ZNF83: variants seen among roughly 807,000 people sequenced by gnomAD.
ZNF83 encodes zinc finger protein 816B.
For missense variants in ZNF83, 552 were observed against 629.9 expected (o/e 0.88, Z 1.32); for synonymous variants, 209 against 213.0 (o/e 0.98, Z 0.17).
intron 1 of ZNF83, among the ~76,000 whole-genome samples, chr19:52,666,924 T>C (rs1346750880): frequency 6.6e-6 from 1 of 152,078 alleles, no homozygotes; most frequent in East Asian, 1.9e-4. Context: ...GTTAGGAAAA[T>C]TGCCTAATAA....
intron 1 of ZNF83, among the ~76,000 whole-genome samples, chr19:52,677,418 G>A (rs900377976): frequency 6.6e-6 from 1 of 151,860 alleles, no homozygotes; most frequent in African/African-American, 2.4e-5. Context: ...CCCTGGCAGT[G>A]GAGGTTGCAG....
chr19:52,656,210 C>A (rs892602712), intron 2 of ZNF83, among the ~76,000 whole-genome samples: 11 of 54,978 alleles, frequency 2.0e-4, no homozygotes, highest in African/African-American at 1.2e-3. Context: ...GAGACTCCGT[C>A]TCTCTCTCTC....
chr19:52,628,845 C>A (rs1412071106), intron 2 of ZNF83, among the ~76,000 whole-genome samples: 1 of 151,794 alleles, frequency 6.6e-6, no homozygotes, highest in African/African-American at 2.4e-5. Context: ...ATTTCCATGC[C>A]CCAACCTCAT....
intron 1 of ZNF83, chr19:52,636,080 T>C (rs567899427): frequency 1.3e-5 from 2 of 151,292 alleles, no homozygotes; most frequent in South Asian, 2.1e-4. Context: ...GAGGATACTT[T>C]GAGCCCAGGA....
chr19:52,612,958 G>A (rs2060151484), exon 3 of ZNF83: 1 of 1,438,518 alleles, frequency 7.0e-7, no homozygotes, highest in Admixed American at 2.3e-5. Flanking sequence ...TTTTTCTCCA[G>A]TATAAATTAT....
chr19:52,627,342 G>A (rs572606617), intron 2 of ZNF83, among the ~76,000 whole-genome samples: 3 of 151,106 alleles, frequency 2.0e-5, no homozygotes, highest in African/African-American at 7.3e-5. Flanking sequence ...GGTGGAGGGT[G>A]GGAGGAAGGA....
chr19:52,650,146 A>C (rs2061424119), intron 3 of ZNF83, among the ~76,000 whole-genome samples: 1 of 152,162 alleles, frequency 6.6e-6, no homozygotes, highest in South Asian at 2.1e-4. Context: ...AATCCCACTT[A>C]AGGAATTTAA....
intron 1 of ZNF83, among the ~76,000 whole-genome samples, chr19:52,672,360 TG>T (rs2061738095): frequency 6.6e-6 from 1 of 152,262 alleles, no homozygotes; most frequent in South Asian, 2.1e-4. Context: ...TCCCTAGCTA[TG>T]GAAGAATTCA....
intron 2 of ZNF83, among the ~76,000 whole-genome samples, chr19:52,622,596 G>T (rs1490524115): frequency 6.6e-6 from 1 of 152,084 alleles, no homozygotes; most frequent in East Asian, 1.9e-4. Context: ...TGCTTAAAAA[G>T]GCAGCTTACA....
intron 1 of ZNF83, among the ~76,000 whole-genome samples, chr19:52,678,187 T>A (rs1361367667): frequency 3.3e-5 from 5 of 151,930 alleles, no homozygotes; most frequent in African/African-American, 1.2e-4. Context: ...GCTCGGTGGC[T>A]CAAGCCTGTA....
chr19:52,683,226 CTCTGTGTGTGTGTG>C (rs1188305192), intron 1 of ZNF83, among the ~76,000 whole-genome samples: 5,535 of 135,720 alleles, frequency 0.041, 142 homozygotes, highest in Non-Finnish European at 0.061. Flanking sequence ...TGCCCTGTGA[CTCTGTGTGTGTGTG>C]TGTGTGTGTG....
upstream of ZNF83, among the ~76,000 whole-genome samples, chr19:52,643,088 G>A (rs533789745): frequency 2.5e-3 from 373 of 152,224 alleles, 1 homozygote; most frequent in African/African-American, 7.7e-3. Context: ...TAGGAGTGGA[G>A]GTTCCAGTGA....
chr19:52,682,964 G>A (rs1371614958), intron 1 of ZNF83, among the ~76,000 whole-genome samples: 2 of 152,098 alleles, frequency 1.3e-5, no homozygotes, highest in Non-Finnish European at 2.9e-5. Context: ...TCCACCTTCC[G>A]GGTTCAAGTG....
At chr19:52,654,890 A>G (rs1301246834) in intron 3 of ZNF83, 1 of 153,006 alleles carries the variant, frequency 6.5e-6, no homozygotes, top group Non-Finnish European at 1.5e-5. Context: ...CTCCTTAAAA[A>G]CCAGAACAAA....
At chr19:52,613,903 G>A in exon 3 of ZNF83, 2 of 1,613,720 alleles carry the variant, frequency 1.2e-6, no homozygotes, top group Non-Finnish European at 1.7e-6. Flanking sequence ...CCGATGTTGT[G>A]CAAGGTGTGA....
At chr19:52,632,908 G>T (rs1349826781) in intron 2 of ZNF83, among the ~76,000 whole-genome samples, 1 of 151,834 alleles carries the variant, frequency 6.6e-6, no homozygotes, top group Non-Finnish European at 1.5e-5. Flanking sequence ...AGGTTCCCAC[G>T]CCACCCCTAA....
intron 2 of ZNF83, among the ~76,000 whole-genome samples, chr19:52,630,315 G>A (rs2060907117): frequency 6.6e-6 from 1 of 152,124 alleles, no homozygotes; most frequent in African/African-American, 2.4e-5. Flanking sequence ...CTCTCACAGT[G>A]GAAAGTCAGT....
At chr19:52,620,270 CTGTGTG>C (rs377267661) in intron 2 of ZNF83, among the ~76,000 whole-genome samples, 28,238 of 144,572 alleles carry the variant, frequency 0.2, 2,799 homozygotes, top group Middle Eastern at 0.28. Context: ...GTGTATATCT[CTGTGTG>C]TGTGTGTGTG....
In ZNF83 at chr19:52,657,224, C is replaced by T. The variant is rs548062385; in HGVS notation, c.-200-1537G>A. The stretch of plus-strand genomic sequence containing the variant: ...AAGGTCAGCCAACATACAGAAATTA[C>T]GAAGAACTACACAGAAACTCTCGGG... On this transcript the variant is annotated intron_variant, in intron 2 of 5. Coordinates refer to the ZNF83 transcript ENST00000594682. Among the ~76,000 whole-genome samples the T allele has an allele frequency of 1.4e-4, 22 of 152,226 alleles. No homozygotes were observed. In the South Asian group the frequency reaches 2.3e-3, roughly 16 times the overall value.
Sources: allele counts gnomAD v4.1 joint callset (sites outside exome capture counted in the v4.1 genomes callset), GRCh38; gene constraint gnomAD v4.1.1; transcripts MANE v1.5; gene names NCBI Gene and HGNC (gene_info 2026-07-23, HGNC 2026-07-21).